The following DICER1 variants were observed in gnomAD, a reference collection of about 807,000 sequenced individuals.
The protein encoded by DICER1 is endoribonuclease Dicer.
Under a neutral mutation model 194.1 loss-of-function variants are expected in DICER1, and 43 were observed. The ratio of observed to expected loss-of-function variants is 0.22; its 90% CI spans 0.17 to 0.29. The LOEUF (loss-of-function observed/expected upper bound fraction) is 0.29, where lower values mean the gene tolerates loss of function less well. Ranked by LOEUF, DICER1 falls within the 10% of genes least tolerant of loss-of-function variation. DICER1 has a pLI of 1.00. For synonymous variants in DICER1, 832 were observed against 820.5 expected (o/e 1.01, Z -0.24); for missense variants, 1,608 against 2,317.0 (o/e 0.69, Z 6.28).
chr14:95,123,116 CCTT>C (rs1158545057), intron 8 of DICER1, among the ~76,000 whole-genome samples: 1 of 152,054 alleles, frequency 6.6e-6, no homozygotes, highest in East Asian at 1.9e-4. Flanking sequence ...AAAATAAGGA[CCTT>C]TTTTGGCAGA....
chr14:95,090,455 T>C lies in DICER1; in HGVS notation c.*43A>G. On this transcript the variant is annotated 3_prime_UTR_variant, in exon 27 of 27. Coordinates refer to ENST00000343455, the MANE Select transcript of DICER1 (RefSeq NM_177438.3). ...CCGATTTAAATAATTTTCCCCTTAA[T>C]TTTTTTTGTTTTGTTTCTTGTTTTG... The C allele has an allele frequency of 6.3e-7, 1 of 1,590,308 alleles. No homozygotes were observed. Among genetic ancestry groups the C allele is most frequent in the South Asian group, 1.1e-5 (1 of 90,488 alleles).
chr14:95,105,973 G>T lies in DICER1; in HGVS notation c.2987+68C>A. The stretch of plus-strand genomic sequence containing the variant: ...GTGGGCAGGGGGACAGTGAACCTCT[G>T]CATGTCTAGTGATGTCTGGTAAGAA... On this transcript the variant is annotated intron_variant, in intron 18 of 26. Coordinates refer to ENST00000343455, the MANE Select transcript of DICER1 (RefSeq NM_177438.3). The surrounding 1 kb of genome is among the most constrained non-coding windows in gnomAD (Gnocchi z 4.9). 1.3e-6 allele frequency: 2 copies of T among 1,550,524 alleles called. No homozygotes were observed. The highest frequency in any genetic ancestry group is 1.8e-6 in the Non-Finnish European group (2 of 1,122,594).
Position 95,087,846 on chromosome 14 carries a change from T to C in DICER1, c.*2652A>G, listed in dbSNP as rs1377560009. ...ACACCCCACTGGTAGGTTTTCCATATTACATTCGGTCTCACATTGCAATCA... is the reference window on the plus strand; with the variant it reads ...ACACCCCACTGGTAGGTTTTCCATACTACATTCGGTCTCACATTGCAATCA... On this transcript the variant is annotated 3_prime_UTR_variant, in exon 27 of 27. Coordinates refer to ENST00000343455, the MANE Select transcript of DICER1 (RefSeq NM_177438.3). 4 of 233,108 alleles carry C rather than the reference T, an allele frequency of 1.7e-5. No homozygotes were observed. Among genetic ancestry groups the C allele is most frequent in the Non-Finnish European group, 2.5e-5 (3 of 118,034 alleles). The allele number at this position is 233,108 out of a possible 1,614,324, so 14.4% of individuals were successfully genotyped here.
At chr14:95,152,706 T>C (rs953909071) in intron 1 of DICER1, among the ~76,000 whole-genome samples, 1 of 152,234 alleles carries the variant, frequency 6.6e-6, no homozygotes, top group African/African-American at 2.4e-5. Context: ...TTGAGGTAAC[T>C]GCATGTTAAA....
intron 1 of DICER1, among the ~76,000 whole-genome samples, chr14:95,154,753 A>G (rs758346030): frequency 2.0e-5 from 3 of 152,198 alleles, no homozygotes; most frequent in Non-Finnish European, 2.9e-5. Context: ...GGAAAGATGA[A>G]AAAGTATGGA....
At chr14:95,107,182 C>CT (rs1891498276) in intron 17 of DICER1, among the ~76,000 whole-genome samples, 2 of 152,010 alleles carry the variant, frequency 1.3e-5, no homozygotes, top group African/African-American at 4.8e-5. Flanking sequence ...GCCTGACTGA[C>CT]TAATATATTT....
At chr14:95,157,028 C>G (rs560061247) in intron 1 of DICER1, among the ~76,000 whole-genome samples, 1 of 152,060 alleles carries the variant, frequency 6.6e-6, no homozygotes, top group Admixed American at 6.5e-5. Flanking sequence ...AGAGCCGAGG[C>G]GGGCAGACGC....
intron 24 of DICER1, among the ~76,000 whole-genome samples, chr14:95,093,526 G>A (rs1243914478): frequency 1.3e-5 from 2 of 152,222 alleles, no homozygotes; most frequent in African/African-American, 4.8e-5. Context: ...AAAAAAGGAA[G>A]GATAAGCTAC....
intron 4 of DICER1, among the ~76,000 whole-genome samples, chr14:95,130,700 C>T (rs1893879338): frequency 6.6e-6 from 1 of 152,190 alleles, no homozygotes; most frequent in Admixed American, 6.5e-5. Context: ...GGAAGCGCCT[C>T]TTAATCACTG....
chr14:95,102,497 T>C (rs1270513385), intron 21 of DICER1, among the ~76,000 whole-genome samples: 3 of 152,198 alleles, frequency 2.0e-5, no homozygotes, highest in Non-Finnish European at 4.4e-5. Context: ...TTCTGACTGC[T>C]GCCACGGCTG....
chr14:95,144,450 CCTGA>C (rs1404940430), intron 1 of DICER1, among the ~76,000 whole-genome samples: 9 of 152,074 alleles, frequency 5.9e-5, no homozygotes, highest in Non-Finnish European at 1.0e-4. Context: ...AACAGAAACA[CCTGA>C]CTATTACGAG....
chr14:95,155,413 C>G (rs1895785670), intron 1 of DICER1, among the ~76,000 whole-genome samples: 1 of 152,210 alleles, frequency 6.6e-6, no homozygotes, highest in Non-Finnish European at 1.5e-5. Context: ...AAAAGTCACC[C>G]TCTCTAGAAG....
At chr14:95,116,312 T>C (rs1206099778) in intron 10 of DICER1, 141 bp downstream of exon 10, 7 of 1,063,954 alleles carry the variant, frequency 6.6e-6, no homozygotes, top group Non-Finnish European at 9.6e-6. Context: ...TTCCTTACAA[T>C]GTACACAGAG....
rs967583633 is a variant in DICER1 at position 95,115,807 on chromosome 14, C to T, written c.1767G>A (p.Lys589=). ...YKAIEKILRN[K]CSKSVDTGET... ...CACCAGTATCAACCGACTTGGAACA[C>T]TTGTTTCTCAAGATCTGAACATTTA... Residue 589 remains lysine (K), a synonymous_variant, in exon 11 of 27, where the codon AAG becomes AAA. Coordinates refer to ENST00000343455, the MANE Select transcript of DICER1 (RefSeq NM_177438.3). The T allele has an allele frequency of 2.7e-5, 43 of 1,614,056 alleles. No homozygotes were observed. The highest frequency in any genetic ancestry group is 3.6e-5 in the Non-Finnish European group (42 of 1,180,022).
chr14:95,110,236 AAAC>A (rs1408086683), intron 14 of DICER1, among the ~76,000 whole-genome samples: 2 of 152,240 alleles, frequency 1.3e-5, no homozygotes, highest in Non-Finnish European at 2.9e-5. Context: ...AGATGAATAA[AAAC>A]AAGGAAGATG....
chr14:95,094,282 A>G, intron 23 of DICER1, 126 bp from the exon 24 acceptor site: 1 of 1,227,736 alleles, frequency 8.1e-7, no homozygotes, highest in Non-Finnish European at 1.2e-6. Flanking sequence ...ATATTCTTCA[A>G]AAAGGATATC....
chr14:95,101,624 C>T (rs1890884938), intron 21 of DICER1, among the ~76,000 whole-genome samples: 1 of 152,210 alleles, frequency 6.6e-6, no homozygotes, highest in Non-Finnish European at 1.5e-5. Flanking sequence ...CCTGCTACTG[C>T]CACTGCCCCC....
chr14:95,100,427 T>C (rs779811090), intron 21 of DICER1, among the ~76,000 whole-genome samples: 1 of 152,216 alleles, frequency 6.6e-6, no homozygotes, highest in Non-Finnish European at 1.5e-5. Flanking sequence ...CAATGTTATA[T>C]TCCTAGAATC....
Position 95,106,239 on chromosome 14 carries a change from A to G in DICER1, c.2805-16T>C, listed in dbSNP as rs771513093. On this transcript the variant is annotated splice_polypyrimidine_tract_variant and intron_variant, in intron 17 of 26. Coordinates refer to ENST00000343455, the MANE Select transcript of DICER1 (RefSeq NM_177438.3). ...ATTGCGATATCTAAAAAAGAAAAAC[A>G]AAAAAACAATCAGTTGCTTTTTGAT... 1 of 1,598,998 alleles carries G rather than the reference A, an allele frequency of 6.3e-7. No individual in the cohort carries two copies. The highest frequency in any genetic ancestry group is 1.1e-5 in the South Asian group (1 of 90,742).
Sources: gnomAD v4.1 joint callset for allele counts (sites outside exome capture counted in the v4.1 genomes callset) on GRCh38, gnomAD v4.1.1 for gene constraint, Gnocchi (gnomAD v3.1) non-coding constraint, MANE v1.5 for transcripts, NCBI Gene and HGNC (gene_info 2026-07-23, HGNC 2026-07-21) for gene names.